The following XYLT1 variants were observed in gnomAD, a reference collection of about 807,000 sequenced individuals.
The protein encoded by XYLT1 is beta-D-xylosyltransferase 1.
A neutral mutation model predicts 91.3 loss-of-function variants in XYLT1; 36 were observed. The ratio of observed to expected loss-of-function variants is 0.39; its 90% CI spans 0.30 to 0.52. The LOEUF (loss-of-function observed/expected upper bound fraction) is 0.52, where lower values mean the gene tolerates loss of function less well. Among genes scored for constraint, XYLT1 ranks in the 20% least tolerant of loss-of-function variants. The pLI, the probability that XYLT1 is intolerant of heterozygous loss-of-function variation, is 0.68. For missense variants in XYLT1, 1,242 were observed against 1,284.5 expected (o/e 0.97, Z 0.51); for synonymous variants, 588 against 532.0 (o/e 1.11, Z -1.45).
chr16:17,252,325 A>C (rs1460608993), intron 3 of XYLT1, among the ~76,000 whole-genome samples: 2 of 152,200 alleles, frequency 1.3e-5, no homozygotes, highest in Non-Finnish European at 2.9e-5. Flanking sequence ...CGGCAGAGCC[A>C]GGAATTAAAC....
At chr16:17,144,648 G>C (rs1340799398) in intron 6 of XYLT1, among the ~76,000 whole-genome samples, 3 of 152,212 alleles carry the variant, frequency 2.0e-5, no homozygotes, top group Non-Finnish European at 2.9e-5. Flanking sequence ...GCTCTGGGCA[G>C]ATGACACAGA....
At chr16:17,185,628 G>GTC (rs1179612101) in intron 5 of XYLT1, among the ~76,000 whole-genome samples, 1 of 152,034 alleles carries the variant, frequency 6.6e-6, no homozygotes, top group Non-Finnish European at 1.5e-5. Flanking sequence ...TGTGAAAGAT[G>GTC]TCTCTCTCTC....
intron 2 of XYLT1, among the ~76,000 whole-genome samples, chr16:17,320,305 G>T (rs1433491500): frequency 6.6e-6 from 1 of 152,064 alleles, no homozygotes; most frequent in Non-Finnish European, 1.5e-5. Flanking sequence ...GAGGGGATGG[G>T]TGAAAGTTTG....
chr16:17,204,318 C>T (rs182853546), intron 3 of XYLT1, among the ~76,000 whole-genome samples: 162 of 152,268 alleles, frequency 1.1e-3, no homozygotes, highest in Middle Eastern at 0.01. Context: ...GGAGAAAGGG[C>T]AGAGTCCTGT....
intron 2 of XYLT1, among the ~76,000 whole-genome samples, chr16:17,330,795 GAA>G (rs558088198): frequency 7.0e-6 from 1 of 142,252 alleles, no homozygotes. Context: ...CTCCCTCTCG[GAA>G]AAAAAAAAAA....
At chr16:17,445,027 T>A (rs918851385) in intron 1 of XYLT1, among the ~76,000 whole-genome samples, 1 of 152,126 alleles carries the variant, frequency 6.6e-6, no homozygotes, top group Non-Finnish European at 1.5e-5. Context: ...TTAGACAGGG[T>A]CTCACTCTAT....
Position 17,208,340 on chromosome 16 carries a change from T to TA in XYLT1, c.914-7687dup, listed in dbSNP as rs534458681. Among the ~76,000 whole-genome samples, 905 of 142,974 alleles carry TA rather than the reference T, an allele frequency of 6.3e-3. 3 individuals are homozygous for TA. The highest frequency in any genetic ancestry group is 0.017 in the African/African-American group (663 of 38,996). The allele number at this position is 142,974 out of a possible 152,430, so 93.8% of individuals were successfully genotyped here. A position where few individuals can be genotyped will look rare whatever the true frequency, so the allele number is the denominator to read the frequency against. ...CCTCTGAACATCCTGCACTTCTCTTTAAAAAAAAAAAAAAGTTGTAGTCCA... is the reference window on the plus strand; with the variant it reads ...CCTCTGAACATCCTGCACTTCTCTTTAAAAAAAAAAAAAAAGTTGTAGTCCA... On this transcript the variant is annotated intron_variant, in intron 3 of 11. Coordinates refer to ENST00000261381, the MANE Select transcript of XYLT1 (RefSeq NM_022166.4).
chr16:17,308,375 A>G (rs1486227177), intron 2 of XYLT1, among the ~76,000 whole-genome samples: 1 of 152,202 alleles, frequency 6.6e-6, no homozygotes, highest in Non-Finnish European at 1.5e-5. Flanking sequence ...AGAAGTGCTG[A>G]GATGATTAAA....
intron 4 of XYLT1, 121 bp from the exon 5 acceptor site, chr16:17,198,535 C>G (rs907221290): frequency 1.7e-5 from 16 of 924,942 alleles, no homozygotes; most frequent in Non-Finnish European, 2.1e-5. Flanking sequence ...AGCACAGTGG[C>G]CTTTGCCAAG....
In XYLT1 at chr16:17,312,424, T is replaced by C. The variant is rs2034565330; in HGVS notation, c.402+45588A>G. Reference sequence around the variant, plus strand: ...GTAGCGCTTACCATGTATGGGGTCTTGTCTCAGGGCCTTACCCGCATTAAC... The same window carrying C: ...GTAGCGCTTACCATGTATGGGGTCTCGTCTCAGGGCCTTACCCGCATTAAC... On this transcript the variant is annotated intron_variant, in intron 2 of 11. Transcript: ENST00000261381. The surrounding 1 kb of genome is among the most constrained non-coding windows in gnomAD (Gnocchi z 4.4). Among the ~76,000 whole-genome samples, 1 of 152,162 alleles carries C rather than the reference T, an allele frequency of 6.6e-6. No homozygotes were observed. Among genetic ancestry groups the C allele is most frequent in the Non-Finnish European group, 1.5e-5 (1 of 68,024 alleles).
At chr16:17,124,303 C>G (rs1035404477) in intron 10 of XYLT1, among the ~76,000 whole-genome samples, 1 of 152,216 alleles carries the variant, frequency 6.6e-6, no homozygotes, top group East Asian at 1.9e-4. Flanking sequence ...TTTAGCAGTT[C>G]TTGTAGTGCT....
chr16:17,236,292 A>G (rs1292350903), intron 3 of XYLT1, among the ~76,000 whole-genome samples: 5 of 152,196 alleles, frequency 3.3e-5, no homozygotes. Flanking sequence ...TCTCCATGCT[A>G]AGAGTGAAAG....
At chr16:17,402,146 A>AACAC (rs200539915) in intron 1 of XYLT1, among the ~76,000 whole-genome samples, 4 of 132,760 alleles carry the variant, frequency 3.0e-5, no homozygotes, top group African/African-American at 5.3e-5. Flanking sequence ...AAAAAAAAAA[A>AACAC]ACACACACAC....
At chr16:17,148,441 A>G (rs2031194369) in intron 6 of XYLT1, among the ~76,000 whole-genome samples, 1 of 152,286 alleles carries the variant, frequency 6.6e-6, no homozygotes, top group East Asian at 1.9e-4. Flanking sequence ...ATTTTTGCCT[A>G]TTTTTGTTCA....
intron 5 of XYLT1, among the ~76,000 whole-genome samples, chr16:17,170,204 T>C (rs887292755): frequency 1.3e-5 from 2 of 152,210 alleles, no homozygotes; most frequent in African/African-American, 4.8e-5. Flanking sequence ...TCGCTAGAAA[T>C]GCAGAGAGAA....
chr16:17,212,080 C>G (rs948787191), intron 3 of XYLT1, among the ~76,000 whole-genome samples: 1 of 152,216 alleles, frequency 6.6e-6, no homozygotes, highest in Admixed American at 6.5e-5. Context: ...GACAAGCTCT[C>G]TAGATGTGGT....
intron 2 of XYLT1, among the ~76,000 whole-genome samples, chr16:17,350,686 C>T (rs190004257): frequency 4.4e-4 from 66 of 151,200 alleles, no homozygotes; most frequent in Admixed American, 7.9e-4. Flanking sequence ...ACCATCCTCT[C>T]AACAGATGCT....
chr16:17,123,822 T>C (rs1377841446), intron 10 of XYLT1, among the ~76,000 whole-genome samples: 1 of 152,220 alleles, frequency 6.6e-6, no homozygotes, highest in Non-Finnish European at 1.5e-5. Context: ...AGCCCCAGTG[T>C]TAGTGCATGT....
intron 3 of XYLT1, among the ~76,000 whole-genome samples, chr16:17,219,744 G>A (rs1244235358): frequency 6.6e-6 from 1 of 152,174 alleles, no homozygotes; most frequent in Non-Finnish European, 1.5e-5. Flanking sequence ...GGGTTCAAGT[G>A]ATTCTCCTGT....
Sources: gnomAD v4.1 joint callset for allele counts (sites outside exome capture counted in the v4.1 genomes callset) on GRCh38, gnomAD v4.1.1 for gene constraint, Gnocchi (gnomAD v3.1) non-coding constraint, MANE v1.5 for transcripts, NCBI Gene and HGNC (gene_info 2026-07-23, HGNC 2026-07-21) for gene names.